Variants in CSMD1 observed in about 807,000 individuals in gnomAD.
The protein encoded by CSMD1 is CUB and Sushi multiple domains 1.
A neutral mutation model predicts 417.5 loss-of-function variants in CSMD1; 213 were observed. That is an observed-to-expected ratio of 0.51 (90% CI 0.46 to 0.57). The LOEUF (loss-of-function observed/expected upper bound fraction) is 0.57, where lower values mean the gene tolerates loss of function less well. CSMD1 is among the 20% of genes least tolerant of loss of function. CSMD1 has a pLI of 0.00. For missense variants in CSMD1, 6,923 were observed against 4,529.7 expected, an observed-to-expected ratio of 1.53 and a Z score of -15.17; for synonymous variants, 2,862 against 1,736.8, an observed-to-expected ratio of 1.65 and a Z score of -16.11.
intron 6 of CSMD1, among the ~76,000 whole-genome samples, chr8:3,736,921 G>A (rs1796551460): frequency 6.6e-6 from 1 of 152,180 alleles, no homozygotes; most frequent in Non-Finnish European, 1.5e-5. Context: ...CATTCCGTGT[G>A]AAGCATTCTG....
rs747557323 is a variant in CSMD1 at position 4,127,403 on chromosome 8, A to G, written c.416-95304T>C. Among the ~76,000 whole-genome samples the G allele has an allele frequency of 4.0e-5, 6 of 148,948 alleles. No homozygotes were observed. In the East Asian group the frequency reaches 7.9e-4, roughly 20 times the overall value. On this transcript the variant is annotated intron_variant, in intron 3 of 69. Coordinates refer to ENST00000635120, the MANE Select transcript of CSMD1 (RefSeq NM_033225.6). ...TGAAAAAAAATCTCCAATCTGGAAAATCTAAACCAACCACCTTTTCTGAAA... is the reference window on the plus strand; with the variant it reads ...TGAAAAAAAATCTCCAATCTGGAAAGTCTAAACCAACCACCTTTTCTGAAA...
chr8:3,827,182 T>C (rs148934975), intron 5 of CSMD1, among the ~76,000 whole-genome samples: 22 of 152,342 alleles, frequency 1.4e-4, no homozygotes, highest in African/African-American at 4.8e-4. Context: ...GTTCTTGAGG[T>C]ATTACATATT....
intron 3 of CSMD1, among the ~76,000 whole-genome samples, chr8:4,391,633 C>T (rs1156579488): frequency 1.3e-5 from 2 of 152,024 alleles, no homozygotes; most frequent in Non-Finnish European, 2.9e-5. Flanking sequence ...AAGTGAAATA[C>T]ACTGCTGGGT....
chr8:3,477,605 T>C (rs75848114), intron 11 of CSMD1, among the ~76,000 whole-genome samples: 13 of 152,166 alleles, frequency 8.5e-5, no homozygotes, highest in Non-Finnish European at 1.2e-4. Flanking sequence ...CAGACATGTG[T>C]TGATAAATAT....
intron 2 of CSMD1, among the ~76,000 whole-genome samples, chr8:4,612,351 GA>G (rs5889046): frequency 2.6e-5 from 4 of 151,468 alleles, no homozygotes; most frequent in African/African-American, 7.3e-5. Context: ...TTTCAGAATT[GA>G]AAAAAAACAA....
At chr8:3,814,703 T>C (rs1379694761) in intron 5 of CSMD1, among the ~76,000 whole-genome samples, 2 of 152,164 alleles carry the variant, frequency 1.3e-5, no homozygotes, top group African/African-American at 4.8e-5. Flanking sequence ...CCTCTGGTGA[T>C]CGCTGATTCT....
intron 1 of CSMD1, among the ~76,000 whole-genome samples, chr8:4,922,665 G>A (rs188799864): frequency 2.6e-5 from 4 of 152,210 alleles, no homozygotes; most frequent in Non-Finnish European, 5.9e-5. Flanking sequence ...GTGCAGCCTG[G>A]GAAATTTCTG....
chr8:4,656,823 T>TC (rs776321838), intron 1 of CSMD1, among the ~76,000 whole-genome samples: 13 of 151,584 alleles, frequency 8.6e-5, no homozygotes, highest in Admixed American at 1.3e-4. Context: ...GGAGAACCCT[T>TC]CCCCAGAGAA....
chr8:3,594,088 T>A (rs1800980413), intron 8 of CSMD1, among the ~76,000 whole-genome samples: 1 of 152,182 alleles, frequency 6.6e-6, no homozygotes, highest in South Asian at 2.1e-4. Flanking sequence ...CAATATCTAA[T>A]ATTCTTCAGC....
intron 54 of CSMD1, among the ~76,000 whole-genome samples, chr8:2,997,559 A>G (rs1807019286): frequency 6.6e-6 from 1 of 152,246 alleles, no homozygotes; most frequent in Non-Finnish European, 1.5e-5. Flanking sequence ...AAATGCAAAA[A>G]AGAACACAAT....
chr8:4,878,436 T>C (rs931578173), intron 1 of CSMD1, among the ~76,000 whole-genome samples: 2 of 152,018 alleles, frequency 1.3e-5, no homozygotes, highest in Non-Finnish European at 2.9e-5. Context: ...ATTAAAAATG[T>C]CCTTGTGGGT....
intron 10 of CSMD1, among the ~76,000 whole-genome samples, chr8:3,499,296 G>C (rs562535911): frequency 1.5e-4 from 23 of 152,250 alleles, no homozygotes; most frequent in African/African-American, 4.6e-4. Context: ...AGTAGCCTTG[G>C]CTGCAGGTGT....
chr8:3,652,242 C>G (rs906139262), intron 7 of CSMD1, among the ~76,000 whole-genome samples: 1 of 151,772 alleles, frequency 6.6e-6, no homozygotes, highest in African/African-American at 2.4e-5. Context: ...GAGCGCCTAC[C>G]AACGTCATTG....
intron 1 of CSMD1, among the ~76,000 whole-genome samples, chr8:4,657,727 A>G (rs1016363740): frequency 1.3e-5 from 2 of 151,698 alleles, no homozygotes; most frequent in African/African-American, 4.8e-5. Flanking sequence ...AAATGAAAAA[A>G]AAAAAAACTC....
intron 46 of CSMD1, among the ~76,000 whole-genome samples, chr8:3,097,461 C>G (rs1314923985): frequency 3.1e-5 from 2 of 65,044 alleles, no homozygotes; most frequent in African/African-American, 6.7e-5. Context: ...TACAGTAGGC[C>G]CCCTTACCCC....
intron 2 of CSMD1, among the ~76,000 whole-genome samples, chr8:4,426,848 A>G (rs1370937183): frequency 2.0e-5 from 3 of 151,392 alleles, no homozygotes; most frequent in Non-Finnish European, 2.9e-5. Context: ...ATTATGTACT[A>G]TATTATAGCA....
rs552704640 is a variant in CSMD1, at chr8:4,776,777, T to C, written c.86-139219A>G. Among the ~76,000 whole-genome samples the C allele has an allele frequency of 1.2e-4, 18 of 151,864 alleles. No individual in the cohort carries two copies. In the East Asian group the frequency reaches 3.1e-3, roughly 26 times the overall value. ...TATATTTTAGAAAAAGTTGTGAAAA[T>C]ACAAGGAATATTATATTAGAGCCAG... On this transcript the variant is annotated intron_variant, in intron 1 of 69. Transcript: ENST00000635120.
At position 4,442,084 on chromosome 8, in the gene CSMD1, G is replaced by T. The variant is rs76697494; in HGVS notation, c.303-22019C>A. 1.7e-3 allele frequency among the ~76,000 whole-genome samples: 258 copies of T among 152,208 alleles called. 7 individuals are homozygous for T. The East Asian group carries it at 0.047, about 28-fold the overall frequency. ...TTCAAAACTGCTCAGAGTTTGAGTT[G>T]TAGAAACACGTGACGAAATGCTTAT... On this transcript the variant is annotated intron_variant, in intron 2 of 69. Coordinates refer to ENST00000635120, the MANE Select transcript of CSMD1 (RefSeq NM_033225.6).
intron 3 of CSMD1, among the ~76,000 whole-genome samples, chr8:4,082,525 T>C (rs1023999953): frequency 1.3e-5 from 2 of 152,034 alleles, no homozygotes; most frequent in African/African-American, 4.8e-5. Flanking sequence ...AAAATAAAAC[T>C]AAAAGGAAAC....
Sources: allele counts gnomAD v4.1 joint callset (sites outside exome capture counted in the v4.1 genomes callset), GRCh38; gene constraint gnomAD v4.1.1; transcripts MANE v1.5; gene names NCBI Gene and HGNC (gene_info 2026-07-23, HGNC 2026-07-21).